Variants in PAX5 observed in about 807,000 individuals in gnomAD.
PAX5 encodes the protein paired box 5.
PAX5 carries 9 observed loss-of-function variants against 43.7 expected under a neutral mutation model. The observed-to-expected ratio is 0.21, with a 90% CI of 0.12 to 0.36. The LOEUF (loss-of-function observed/expected upper bound fraction) is 0.36, where lower values mean the gene tolerates loss of function less well. Ranked by LOEUF, PAX5 falls within the 10% of genes least tolerant of loss-of-function variation. PAX5 has a pLI of 1.00. For missense variants in PAX5, 383 were observed against 532.7 expected, an observed-to-expected ratio of 0.72 and a Z score of 2.77; for synonymous variants, 228 against 214.3, an observed-to-expected ratio of 1.06 and a Z score of -0.56.
intron 7 of PAX5, among the ~76,000 whole-genome samples, chr9:36,899,907 T>C (rs534873358): frequency 3.3e-4 from 51 of 152,344 alleles, no homozygotes; most frequent in African/African-American, 1.2e-3. Context: ...TCTGGCCATG[T>C]GCAGATTCCC....
chr9:36,969,996 TA>T (rs568607333), intron 5 of PAX5, among the ~76,000 whole-genome samples: 13 of 152,230 alleles, frequency 8.5e-5, no homozygotes, highest in Non-Finnish European at 1.5e-4. Context: ...TATCAGGTAA[TA>T]TTTTTTAAGT....
intron 5 of PAX5, among the ~76,000 whole-genome samples, chr9:37,001,564 C>T (rs1352129696): frequency 1.3e-5 from 2 of 152,230 alleles, no homozygotes; most frequent in Non-Finnish European, 2.9e-5. Context: ...CTTCCCCACA[C>T]ACCCCCACGG....
chr9:36,834,417 AGT>A lies in PAX5; in HGVS notation c.*6141_*6142del, dbSNP rs56175234. 10,195 of 222,948 alleles carry A rather than the reference AGT, an allele frequency of 0.046. 131 individuals carry two copies. Among genetic ancestry groups the A allele is most frequent in the East Asian group, 0.074 (1,180 of 15,954 alleles). The allele number at this position is 222,948 out of a possible 1,614,324, so 13.8% of individuals were successfully genotyped here. ...TGTCTGAGGTGTAGGGGAGTGAGTG[AGT>A]GTGTGTGTGTGTGTGTGTGTGTGTG... On this transcript the variant is annotated 3_prime_UTR_variant, in exon 10 of 10. Transcript: ENST00000358127.
At chr9:36,900,942 G>A (rs1197677009) in intron 7 of PAX5, among the ~76,000 whole-genome samples, 4 of 151,696 alleles carry the variant, frequency 2.6e-5, no homozygotes, top group Non-Finnish European at 4.4e-5. Flanking sequence ...GGGGAGCATC[G>A]TTGATGGCCG....
intron 6 of PAX5, among the ~76,000 whole-genome samples, chr9:36,961,644 T>A (rs1218052174): frequency 6.6e-6 from 1 of 152,224 alleles, no homozygotes; most frequent in Non-Finnish European, 1.5e-5. Flanking sequence ...ATTAATAGCC[T>A]GGTGTTGGTT....
chr9:36,935,641 C>T (rs1831488470), intron 6 of PAX5, among the ~76,000 whole-genome samples: 1 of 152,206 alleles, frequency 6.6e-6, no homozygotes, highest in African/African-American at 2.4e-5. Flanking sequence ...CCCTTTTCTT[C>T]CCCTGTCCTC....
chr9:36,864,658 A>ACCGGCCTGCCTGCCTCCT (rs1824652500), intron 8 of PAX5, among the ~76,000 whole-genome samples: 1 of 152,158 alleles, frequency 6.6e-6, no homozygotes, highest in South Asian at 2.1e-4. Flanking sequence ...CCCTCAGCCC[A>ACCGGCCTGCCTGCCTCCT]CCGGCCTGCC....
chr9:36,940,560 C>G (rs147148104), intron 6 of PAX5, among the ~76,000 whole-genome samples: 29 of 152,244 alleles, frequency 1.9e-4, no homozygotes, highest in Non-Finnish European at 3.4e-4. Context: ...GCCCTGAGCC[C>G]ACGGCAACAT....
chr9:36,853,064 T>C (rs1229983393), intron 8 of PAX5, among the ~76,000 whole-genome samples: 2 of 152,228 alleles, frequency 1.3e-5, no homozygotes, highest in African/African-American at 4.8e-5. Flanking sequence ...AATTCTACCA[T>C]CAATGTTTTC....
rs549583103 is a variant in PAX5, at chr9:36,985,536, AGAC to A, written c.604+17109_604+17111del. ...ACTGAGGGCGTCTGGGACGAATGGG[AGAC>A]GACTTCTGCCCTTGGAACTCAAGGT... On this transcript the variant is annotated intron_variant, in intron 5 of 9. Coordinates refer to ENST00000358127, the MANE Select transcript of PAX5 (RefSeq NM_016734.3). 2.0e-4 allele frequency among the ~76,000 whole-genome samples: 31 copies of A among 152,262 alleles called. No homozygotes were observed. The South Asian group carries it at 4.4e-3, about 21-fold the overall frequency.
At position 36,850,240 on chromosome 9, in the gene PAX5, G is replaced by A. The variant is rs573327746; in HGVS notation, c.1013-3311C>T. On this transcript the variant is annotated intron_variant, in intron 8 of 9. Transcript: ENST00000358127. ...TAATGCTTTTCTCTCATTAGGGCTG[G>A]GATCAGCCAAGGCTTCAGACTGGTG... 3.9e-5 allele frequency among the ~76,000 whole-genome samples: 6 copies of A among 152,226 alleles called. No homozygotes were observed. The South Asian group carries it at 8.3e-4, about 21-fold the overall frequency.
At chr9:36,920,725 T>C (rs965180889) in intron 7 of PAX5, among the ~76,000 whole-genome samples, 1 of 151,918 alleles carries the variant, frequency 6.6e-6, no homozygotes, top group Non-Finnish European at 1.5e-5. Flanking sequence ...GAGCATTTCC[T>C]GTGAGCATCA....
At chr9:36,938,860 A>G (rs1225891540) in intron 6 of PAX5, among the ~76,000 whole-genome samples, 1 of 152,214 alleles carries the variant, frequency 6.6e-6, no homozygotes, top group Non-Finnish European at 1.5e-5. Flanking sequence ...TGCGAGGGCA[A>G]CAAGGCTGTT....
chr9:36,886,345 A>G (rs553917277), intron 7 of PAX5, among the ~76,000 whole-genome samples: 1 of 152,344 alleles, frequency 6.6e-6, no homozygotes, highest in Non-Finnish European at 1.5e-5. Context: ...ACACGTATCA[A>G]ATTCCAGGCA....
intron 8 of PAX5, among the ~76,000 whole-genome samples, chr9:36,873,888 A>G (rs566831275): frequency 3.9e-5 from 6 of 152,344 alleles, no homozygotes; most frequent in Admixed American, 3.3e-4. Context: ...GGAACTGGGC[A>G]GTATATATTT....
At chr9:36,924,783 A>AGAAAGAAGGAGGGG (rs1830493652) in intron 6 of PAX5, among the ~76,000 whole-genome samples, 1 of 19,836 alleles carries the variant, frequency 5.0e-5, no homozygotes, top group African/African-American at 2.3e-4. Context: ...AAGGAAGGAA[A>AGAAAGAAGGAGGGG]AGAGAAAGGG....
chr9:36,978,723 T>C (rs958746623), intron 5 of PAX5, among the ~76,000 whole-genome samples: 2 of 152,132 alleles, frequency 1.3e-5, no homozygotes, highest in Non-Finnish European at 2.9e-5. Flanking sequence ...GGTTTTGTCA[T>C]AGATCAAAGT....
At chr9:36,904,046 G>T (rs939589626) in intron 7 of PAX5, among the ~76,000 whole-genome samples, 1 of 152,204 alleles carries the variant, frequency 6.6e-6, no homozygotes, top group Non-Finnish European at 1.5e-5. Context: ...ATGCTTCTCT[G>T]TGCCTCAGTT....
At chr9:37,031,105 A>G (rs1461856577) in intron 1 of PAX5, among the ~76,000 whole-genome samples, 1 of 152,218 alleles carries the variant, frequency 6.6e-6, no homozygotes, top group Admixed American at 6.5e-5. Flanking sequence ...GCTCTACTTG[A>G]CCTGTCCCTG....
Sources: gnomAD v4.1 joint callset for allele counts (sites outside exome capture counted in the v4.1 genomes callset) on GRCh38, gnomAD v4.1.1 for gene constraint, MANE v1.5 for transcripts, NCBI Gene and HGNC (gene_info 2026-07-23, HGNC 2026-07-21) for gene names.